The following CCDC171 variants were observed in gnomAD, a reference collection of about 807,000 sequenced individuals.
The protein encoded by CCDC171 is coiled-coil domain containing 171, also known as coiled-coil domain-containing protein 171.
CCDC171 carries 177 observed loss-of-function variants against 168.2 expected under a neutral mutation model. That is an observed-to-expected ratio of 1.05 (90% CI 0.93 to 1.19). The LOEUF is 1.19. CCDC171 is among the 50% of genes most tolerant of loss of function. CCDC171 has a pLI of 0.00. For missense variants in CCDC171, 1,991 were observed against 1,539.0 expected (o/e 1.29, Z -4.91); for synonymous variants, 687 against 540.8 (o/e 1.27, Z -3.75).
chr9:15,655,258 C>T (rs1457618364), intron 7 of CCDC171, among the ~76,000 whole-genome samples: 1 of 151,916 alleles, frequency 6.6e-6, no homozygotes, highest in African/African-American at 2.4e-5. Flanking sequence ...CAAATTTCAT[C>T]TAGGAAGGGA....
At chr9:15,716,445 T>C (rs1036012306) in intron 11 of CCDC171, among the ~76,000 whole-genome samples, 19 of 152,162 alleles carry the variant, frequency 1.2e-4, no homozygotes, top group African/African-American at 4.6e-4. Context: ...AGGTCCTCGG[T>C]TTAGGGTGAC....
chr9:15,937,543 C>T (rs567564819), intron 25 of CCDC171, among the ~76,000 whole-genome samples: 1 of 151,792 alleles, frequency 6.6e-6, no homozygotes, highest in African/African-American at 2.4e-5. Flanking sequence ...TGTCTAAAAT[C>T]CCCCTTATAT....
intron 3 of CCDC171, among the ~76,000 whole-genome samples, chr9:15,987,884 A>G (rs531580793): frequency 5.9e-5 from 9 of 152,350 alleles, no homozygotes; most frequent in Admixed American, 2.6e-4. Flanking sequence ...AAGGAATTGT[A>G]TACAAAATTC....
chr9:15,602,743 C>T (rs907319388), intron 6 of CCDC171, among the ~76,000 whole-genome samples: 4 of 149,904 alleles, frequency 2.7e-5, no homozygotes, highest in African/African-American at 4.9e-5. Flanking sequence ...GCAACCTCTC[C>T]GCCTCCCGGG....
At chr9:15,981,814 C>T (rs971387151) in intron 3 of CCDC171, among the ~76,000 whole-genome samples, 18 of 152,196 alleles carry the variant, frequency 1.2e-4, no homozygotes, top group Admixed American at 3.3e-4. Flanking sequence ...AGCATGACTT[C>T]CCAAAGGTAC....
At chr9:15,762,828 T>A (rs1295528795) in intron 18 of CCDC171, among the ~76,000 whole-genome samples, 1 of 152,190 alleles carries the variant, frequency 6.6e-6, no homozygotes, top group Non-Finnish European at 1.5e-5. Flanking sequence ...ACCACTGGTG[T>A]CTTCTCTGTC....
At chr9:15,836,796 C>G (rs907305350) in intron 21 of CCDC171, among the ~76,000 whole-genome samples, 14 of 152,190 alleles carry the variant, frequency 9.2e-5, no homozygotes, top group African/African-American at 2.9e-4. Context: ...ATATAATCTT[C>G]TTTCCAGAAA....
At chr9:15,779,181 T>G in intron 20 of CCDC171, 31 bp downstream of exon 20, 1 of 1,278,300 alleles carries the variant, frequency 7.8e-7, no homozygotes, top group Non-Finnish European at 1.0e-6. Context: ...AAACTGTTGC[T>G]TTGCTGATAT....
chr9:15,727,934 A>G lies in CCDC171; in HGVS notation c.1758A>G (p.Gln586=), dbSNP rs746184991. The G allele has an allele frequency of 1.9e-6, 3 of 1,613,488 alleles. No homozygotes were observed. The South Asian group carries it at 3.3e-5, about 18-fold the overall frequency. The change falls in exon 15 of 26, where the codon CAA becomes CAG. Residue 586 remains glutamine, a synonymous_variant. Coordinates refer to ENST00000380701, the MANE Select transcript of CCDC171 (RefSeq NM_173550.4). ...HLVAGCVLIK[Q]PEGMLDKFSW... is the part of the protein sequence containing the mutation. ...TAGCAGGCTGTGTGCTCATAAAACA[A>G]CCAGAAGGCATGCTGGATAAATTCT...
At chr9:15,895,535 T>G (rs1029233870) in intron 24 of CCDC171, among the ~76,000 whole-genome samples, 1 of 152,076 alleles carries the variant, frequency 6.6e-6, no homozygotes, top group Non-Finnish European at 1.5e-5. Context: ...ACCACCATAC[T>G]CTGTCTTATC....
At chr9:16,002,425 A>T (rs980359878) in intron 3 of CCDC171, among the ~76,000 whole-genome samples, 7 of 152,092 alleles carry the variant, frequency 4.6e-5, no homozygotes, top group Non-Finnish European at 8.8e-5. Context: ...AAAAAATTAA[A>T]AATTTAAAAA....
At chr9:15,799,136 A>G (rs1317353289) in intron 21 of CCDC171, among the ~76,000 whole-genome samples, 1 of 922 alleles carries the variant, frequency 1.1e-3, no homozygotes, top group African/African-American at 2.1e-3. Flanking sequence ...CATCATTGCC[A>G]TATATATATA....
chr9:15,728,524 A>T (rs1400481747), intron 15 of CCDC171, among the ~76,000 whole-genome samples: 2 of 152,304 alleles, frequency 1.3e-5, no homozygotes, highest in Non-Finnish European at 2.9e-5. Context: ...CTCGAAATAC[A>T]ACAAAATGTA....
intron 3 of CCDC171, among the ~76,000 whole-genome samples, chr9:16,018,510 T>G (rs1454343668): frequency 6.6e-6 from 1 of 152,256 alleles, no homozygotes. Flanking sequence ...CTTATTCATT[T>G]ATTAACTTCT....
At chr9:15,918,456 T>G (rs1014792353) in intron 24 of CCDC171, among the ~76,000 whole-genome samples, 3 of 150,128 alleles carry the variant, frequency 2.0e-5, no homozygotes, top group Admixed American at 6.7e-5. Flanking sequence ...GGACTTGTGA[T>G]TTCTGGTCTA....
At chr9:15,729,557 C>A in intron 15 of CCDC171, 53 bp from the exon 16 acceptor site, 1 of 1,228,938 alleles carries the variant, frequency 8.1e-7, no homozygotes, top group Non-Finnish European at 1.1e-6. Context: ...GGAGATGACA[C>A]AAAGAAATAG....
At chr9:15,661,389 T>C (rs374945974) in intron 8 of CCDC171, among the ~76,000 whole-genome samples, 8 of 152,258 alleles carry the variant, frequency 5.3e-5, no homozygotes, top group African/African-American at 1.9e-4. Flanking sequence ...TTTTTCATTG[T>C]AGTTGTGATA....
chr9:15,979,749 A>C (rs1452657668), intron 3 of CCDC171, among the ~76,000 whole-genome samples: 1 of 151,004 alleles, frequency 6.6e-6, no homozygotes, highest in African/African-American at 2.4e-5. Flanking sequence ...ATTTGTTTGA[A>C]GTTTTCTTGT....
At chr9:16,013,514 A>G (rs1396131237) in intron 3 of CCDC171, among the ~76,000 whole-genome samples, 4 of 152,240 alleles carry the variant, frequency 2.6e-5, no homozygotes, top group South Asian at 2.1e-4. Context: ...AGGCAGGAGC[A>G]TGTAGCATGC....
Sources: allele counts gnomAD v4.1 joint callset (sites outside exome capture counted in the v4.1 genomes callset), GRCh38; gene constraint gnomAD v4.1.1; transcripts MANE v1.5; gene names NCBI Gene and HGNC (gene_info 2026-07-23, HGNC 2026-07-21).